The following BIRC2 variants were observed in gnomAD, a reference collection of about 807,000 sequenced individuals.
BIRC2 encodes the protein baculoviral IAP repeat containing 2, also known as baculoviral IAP repeat-containing protein 2.
In BIRC2, 18 loss-of-function variants were observed where a neutral mutation model predicts 60.9. That is an observed-to-expected ratio of 0.30 (90% CI 0.20 to 0.44). The LOEUF (loss-of-function observed/expected upper bound fraction) is 0.44. Ranked by LOEUF, BIRC2 falls within the 20% of genes least tolerant of loss-of-function variation. BIRC2 has a pLI of 1.00. For synonymous variants in BIRC2, 282 were observed against 247.7 expected, an observed-to-expected ratio of 1.14 and a Z score of -1.30; for missense variants, 701 against 728.5, an observed-to-expected ratio of 0.96 and a Z score of 0.43.
chr11:102,355,155 T>C (rs1252332006), intron 3 of BIRC2, among the ~76,000 whole-genome samples: 1 of 152,124 alleles, frequency 6.6e-6, no homozygotes, highest in Non-Finnish European at 1.5e-5. Context: ...GTGCTTTTGG[T>C]GTCATACCCA....
chr11:102,358,680 C>T (rs1951450008), intron 3 of BIRC2, among the ~76,000 whole-genome samples: 1 of 152,114 alleles, frequency 6.6e-6, no homozygotes, highest in Non-Finnish European at 1.5e-5. Flanking sequence ...TTTACAGATA[C>T]TGTATCCTCT....
At chr11:102,352,913 A>G (rs891139858) in intron 3 of BIRC2, among the ~76,000 whole-genome samples, 2 of 152,216 alleles carry the variant, frequency 1.3e-5, no homozygotes, top group African/African-American at 4.8e-5. Context: ...TGAAAAAGAA[A>G]CTTGAAGTAA....
intron 3 of BIRC2, among the ~76,000 whole-genome samples, chr11:102,354,799 G>A (rs1416253857): frequency 6.6e-6 from 1 of 152,008 alleles, no homozygotes; most frequent in Non-Finnish European, 1.5e-5. Context: ...CAGGTGGGAG[G>A]TGATATTTCA....
chr11:102,351,015 T>C, intron 3 of BIRC2, 72 bp downstream of exon 3: 3 of 1,391,368 alleles, frequency 2.2e-6, no homozygotes, highest in Non-Finnish European at 3.0e-6. Context: ...CTACATGATT[T>C]TGTTTACCTT....
At chr11:102,356,896 C>T (rs1464737184) in intron 3 of BIRC2, among the ~76,000 whole-genome samples, 3 of 151,892 alleles carry the variant, frequency 2.0e-5, no homozygotes, top group South Asian at 4.1e-4. Flanking sequence ...TCTCAAACTC[C>T]TGACCTCAGG....
chr11:102,366,335 A>G (rs1951552398), intron 5 of BIRC2, among the ~76,000 whole-genome samples: 1 of 150,024 alleles, frequency 6.7e-6, no homozygotes, highest in Non-Finnish European at 1.5e-5. Context: ...TTCATAACAT[A>G]TGCCAAATCT....
intron 6 of BIRC2, among the ~76,000 whole-genome samples, chr11:102,377,185 A>G (rs1951725036): frequency 6.6e-6 from 1 of 152,208 alleles, no homozygotes; most frequent in Non-Finnish European, 1.5e-5. Context: ...GTAAAATGAT[A>G]TAATGGAAAT....
intron 6 of BIRC2, among the ~76,000 whole-genome samples, chr11:102,374,367 T>C (rs1951675444): frequency 6.7e-6 from 1 of 149,006 alleles, no homozygotes; most frequent in Non-Finnish European, 1.5e-5. Flanking sequence ...CCTTTCTGTT[T>C]GTTAGTTTTC....
chr11:102,366,737 T>G (rs1488882634), intron 5 of BIRC2, among the ~76,000 whole-genome samples: 1 of 152,182 alleles, frequency 6.6e-6, no homozygotes. Flanking sequence ...TCTTCCTGAT[T>G]CTGGTTTACC....
At chr11:102,373,798 G>C (rs1454405904) in intron 6 of BIRC2, among the ~76,000 whole-genome samples, 1 of 151,604 alleles carries the variant, frequency 6.6e-6, no homozygotes, top group Non-Finnish European at 1.5e-5. Flanking sequence ...ATCACTTTCA[G>C]GTACACCAAT....
At position 102,349,798 on chromosome 11, in the gene BIRC2, C is replaced by A. The variant is rs1451935174; in HGVS notation, c.-57C>A. 6.0e-6 allele frequency: 9 copies of A among 1,489,878 alleles called. No individual in the cohort carries two copies. The Middle Eastern group carries it at 7.2e-4, about 119-fold the overall frequency. The allele number at this position is 1,489,878 out of a possible 1,614,324, so 92.3% of individuals were successfully genotyped here. On this transcript the variant is annotated 5_prime_UTR_variant, in exon 2 of 9. Transcript: ENST00000227758. The stretch of plus-strand genomic sequence containing the variant: ...TCTTTTTGTGGTAAAAATCTTAGTT[C>A]ATGTGAAGAAATTTCATGTGAATGT...
At chr11:102,363,606 T>A in intron 4 of BIRC2, 62 bp from the exon 5 acceptor site, 1 of 1,290,028 alleles carries the variant, frequency 7.8e-7, no homozygotes, top group Non-Finnish European at 1.1e-6. Context: ...ATTTTAGTGT[T>A]GTTCTTTTCA....
Position 102,378,306 on chromosome 11 carries a change from C to T in BIRC2, c.*123C>T. ...CAATTAGTAACATTCATGTTCTAGTCTGCTTTGGTACTAATAATCTTGTTT... is the reference window on the plus strand; with the variant it reads ...CAATTAGTAACATTCATGTTCTAGTTTGCTTTGGTACTAATAATCTTGTTT... On this transcript the variant is annotated 3_prime_UTR_variant, in exon 9 of 9. Transcript: ENST00000227758. The T allele has an allele frequency of 1.4e-6, 1 of 731,930 alleles. No homozygotes were observed. The highest frequency in any genetic ancestry group is 2.1e-6 in the Non-Finnish European group (1 of 476,112). The allele number at this position is 731,930 out of a possible 1,614,324, so 45.3% of individuals were successfully genotyped here.
intron 1 of BIRC2, chr11:102,348,391 A>C (rs1951315977): frequency 6.5e-6 from 1 of 153,930 alleles, no homozygotes; most frequent in Non-Finnish European, 1.5e-5. Flanking sequence ...AGACACGTAT[A>C]GTTAGTGCTA....
intron 3 of BIRC2, among the ~76,000 whole-genome samples, chr11:102,361,201 A>G (rs2135812228): frequency 6.6e-6 from 1 of 152,216 alleles, no homozygotes. Flanking sequence ...TTGCAGAAAG[A>G]CAGCGGGTCT....
At chr11:102,353,731 C>A (rs185566611) in intron 3 of BIRC2, among the ~76,000 whole-genome samples, 2 of 106,028 alleles carry the variant, frequency 1.9e-5, no homozygotes, top group Admixed American at 1.4e-4. Flanking sequence ...GATGCTCTTT[C>A]GCAAATTTCA....
chr11:102,373,326 T>G lies in BIRC2; in HGVS notation c.1367-4170T>G, dbSNP rs575728832. ...GGTACCGGTTGTTCCTTTCCATGTT[T>G]AGTGCTTCCTTCCGGAGCTCTTTTA... On this transcript the variant is annotated intron_variant, in intron 6 of 8. Coordinates refer to ENST00000227758, the MANE Select transcript of BIRC2 (RefSeq NM_001166.5). Among the ~76,000 whole-genome samples the G allele has an allele frequency of 1.1e-4, 17 of 152,360 alleles. No individual in the cohort carries two copies. In the East Asian group the frequency reaches 1.2e-3, roughly 10 times the overall value.
Position 102,368,376 on chromosome 11 carries a change from T to G in BIRC2, c.1194T>G (p.Ser398=), listed in dbSNP as rs369042949. ...TGATGAATACACCTGTGGTTAAATC[T>G]GCCTTGGAAATGGGCTTTAATAGAG... The part of the protein sequence containing the change: ...AVMMNTPVVK[S]ALEMGFNRDL... The change falls in exon 6 of 9, where the codon TCT becomes TCG. Residue 398 remains serine (S), a synonymous_variant. Transcript: ENST00000227758. 1 of 1,614,064 alleles carries G rather than the reference T, an allele frequency of 6.2e-7. No individual in the cohort carries two copies. Among genetic ancestry groups the G allele is most frequent in the East Asian group, 2.2e-5 (1 of 44,860 alleles).
chr11:102,365,149 A>G (rs1256130206), intron 5 of BIRC2, among the ~76,000 whole-genome samples: 1 of 152,198 alleles, frequency 6.6e-6, no homozygotes, highest in Non-Finnish European at 1.5e-5. Flanking sequence ...TTGTTCATAA[A>G]AGATGAATTG....
Sources: allele counts gnomAD v4.1 joint callset (sites outside exome capture counted in the v4.1 genomes callset), GRCh38; gene constraint gnomAD v4.1.1; transcripts MANE v1.5; gene names NCBI Gene and HGNC (gene_info 2026-07-23, HGNC 2026-07-21).